Variants in ABCA9 observed in about 807,000 individuals in gnomAD.
The protein encoded by ABCA9 is ATP binding cassette subfamily A member 9, also known as ATP-binding cassette sub-family A member 9.
Under a neutral mutation model 205.3 loss-of-function variants are expected in ABCA9, and 183 were observed. The ratio of observed to expected loss-of-function variants is 0.89; its 90% CI spans 0.79 to 1.01. The LOEUF is 1.01. ABCA9 is among the 50% of genes least tolerant of loss of function. The probability of loss-of-function intolerance (pLI) is 0.00; values close to 1 mark genes in which losing one functional copy is unlikely to be tolerated. For synonymous variants in ABCA9, 651 were observed against 683.3 expected, an observed-to-expected ratio of 0.95 and a Z score of 0.74; for missense variants, 1,805 against 1,912.4, an observed-to-expected ratio of 0.94 and a Z score of 1.05.
chr17:68,989,199 C>T (rs111397165), intron 30 of ABCA9, 81 bp from the exon 31 acceptor site: 19,854 of 838,602 alleles, frequency 0.024, 296 homozygotes, highest in Middle Eastern at 0.045. Flanking sequence ...GGCTGTGTGT[C>T]AAGTGCTATG....
intron 22 of ABCA9, among the ~76,000 whole-genome samples, chr17:69,013,775 T>C (rs2070473877): frequency 6.6e-6 from 1 of 152,018 alleles, no homozygotes; most frequent in African/African-American, 2.4e-5. Flanking sequence ...CTCCGATAGA[T>C]GATAAAAATT....
chr17:68,984,138 C>T lies in ABCA9; in HGVS notation c.4417G>A (p.Gly1473Ser), dbSNP rs767562262. 4 of 1,614,046 alleles carry T rather than the reference C, an allele frequency of 2.5e-6. No homozygotes were observed. In the African/African-American group the frequency reaches 4.0e-5, roughly 16 times the overall value. The part of the protein sequence containing the change: ...IRATFRNTER[G>S]ALLTTHYMAE... Reference sequence around the variant, plus strand: ...ATGTAGTGGGTGGTCAGGAGGGCGCCCCTCTCCGTGTTTCTAAAGGTGGCC... The same window carrying T: ...ATGTAGTGGGTGGTCAGGAGGGCGCTCCTCTCCGTGTTTCTAAAGGTGGCC... Residue 1473 changes from glycine (G) to serine (S), a missense_variant, in exon 35 of 39, where the codon GGC (glycine) becomes AGC (serine). Coordinates refer to ENST00000340001, the MANE Select transcript of ABCA9 (RefSeq NM_080283.4).
chr17:69,027,200 A>G, intron 14 of ABCA9, 86 bp from the exon 15 acceptor site: 1 of 1,576,014 alleles, frequency 6.3e-7, no homozygotes, highest in Non-Finnish European at 8.6e-7. Flanking sequence ...AGTATTTGGG[A>G]GAAACTTGTT....
rs1262949213 is a variant in ABCA9, at chr17:69,028,630, A to G, written c.1520T>C (p.Ile507Thr). 6.3e-7 allele frequency: 1 copy of G among 1,598,884 alleles called. No individual in the cohort carries two copies. Among genetic ancestry groups the G allele is most frequent in the Middle Eastern group, 1.7e-4 (1 of 5,986 alleles). Reference sequence around the variant, plus strand: ...GAGGGCAGTGATCTGGCCTTCATATATGTCAAACACCACACCTGGCATGAT... The same window carrying G: ...GAGGGCAGTGATCTGGCCTTCATATGTGTCAAACACCACACCTGGCATGAT... ...VEALKGVVFD[I>T]YEGQITALLG... The change falls in exon 12 of 39, where the codon ATA becomes ACA. Residue 507 changes from isoleucine (I) to threonine (T), a missense_variant. Physicochemically the swap from Ile to Thr is moderately conservative, Grantham distance 89. Transcript: ENST00000340001.
chr17:69,043,528 G>A lies in ABCA9; in HGVS notation c.761C>T (p.Ser254Leu). The A allele has an allele frequency of 6.2e-7, 1 of 1,607,754 alleles. No individual in the cohort carries two copies. Among genetic ancestry groups the A allele is most frequent in the Non-Finnish European group, 8.5e-7 (1 of 1,177,066 alleles). Reference sequence around the variant, plus strand: ...TCGGAGTCCCATCATTGTCATCAATGACGTAATGTATTGTCTTTCTTGTGT... The same window carrying A: ...TCGGAGTCCCATCATTGTCATCAATAACGTAATGTATTGTCTTTCTTGTGT... The part of the protein sequence containing the change: ...NVTQERQYIT[S>L]LMTMMGLRES... Residue 254 changes from serine to leucine, a missense_variant, in exon 6 of 39, where the codon TCA (serine) becomes TTA (leucine). Coordinates refer to ENST00000340001, the MANE Select transcript of ABCA9 (RefSeq NM_080283.4).
chr17:69,032,530 G>A, intron 9 of ABCA9: 1 of 318,848 alleles, frequency 3.1e-6, no homozygotes. Flanking sequence ...TCAAAATGCA[G>A]AGAGATGTCT....
chr17:69,025,700 T>C lies in ABCA9; in HGVS notation c.2141+677A>G, dbSNP rs79066753. Among the ~76,000 whole-genome samples, 1,343 of 152,278 alleles carry C rather than the reference T, an allele frequency of 8.8e-3. 27 individuals carry two copies. The highest frequency in any genetic ancestry group is 0.031 in the African/African-American group (1,292 of 41,568). ...AATCATTTTTTAAAAAATATCTACA[T>C]TGCAATGCAAAATATAGGAAGCCAT... On this transcript the variant is annotated intron_variant, in intron 16 of 38. Transcript: ENST00000340001.
At chr17:69,032,592 T>C (rs895347337) in intron 9 of ABCA9, 26 of 187,944 alleles carry the variant, frequency 1.4e-4, no homozygotes, top group Non-Finnish European at 2.4e-4. Context: ...GCTGTACTTA[T>C]GTGTCCTTTT....
intron 37 of ABCA9, among the ~76,000 whole-genome samples, chr17:68,981,201 A>G (rs2069041154): frequency 6.6e-6 from 1 of 152,194 alleles, no homozygotes; most frequent in East Asian, 1.9e-4. Context: ...GGATAAATAA[A>G]TTCAGATTTA....
chr17:69,004,191 G>A (rs777502084), intron 25 of ABCA9, among the ~76,000 whole-genome samples: 5 of 152,148 alleles, frequency 3.3e-5, no homozygotes, highest in Admixed American at 6.5e-5. Context: ...GAGGAGAGGC[G>A]CTCTGATTTT....
intron 37 of ABCA9, among the ~76,000 whole-genome samples, chr17:68,981,126 G>A (rs754511039): frequency 6.6e-6 from 1 of 151,864 alleles, no homozygotes; most frequent in Non-Finnish European, 1.5e-5. Flanking sequence ...GGAAGGGAAG[G>A]CAACAATAGA....
At chr17:69,073,116 T>C in the ABCA9 span, among the ~76,000 whole-genome samples, 1 of 152,336 alleles carries the variant, frequency 6.6e-6, no homozygotes, top group East Asian at 1.9e-4. Flanking sequence ...CTTAGAGACC[T>C]ACAAAGAGAC....
intron 7 of ABCA9, 22 bp downstream of exon 7, chr17:69,035,638 T>A (rs2144392500): frequency 6.2e-7 from 1 of 1,610,952 alleles, no homozygotes; most frequent in African/African-American, 1.3e-5. Flanking sequence ...ATAAAAGACT[T>A]AGATGAAATT....
At chr17:69,070,975 G>A in the ABCA9 span, among the ~76,000 whole-genome samples, 1 of 152,194 alleles carries the variant, frequency 6.6e-6, no homozygotes, top group Non-Finnish European at 1.5e-5. Context: ...AAGCTGTCAG[G>A]AAGTTCAAAC....
upstream of ABCA9, among the ~76,000 whole-genome samples, chr17:69,064,433 AC>A (rs2072322477): frequency 6.6e-6 from 1 of 152,120 alleles, no homozygotes; most frequent in Non-Finnish European, 1.5e-5. Context: ...TATAGGATAC[AC>A]CCGTTAGCAT....
intron 16 of ABCA9, among the ~76,000 whole-genome samples, chr17:69,025,217 G>A (rs1302590124): frequency 6.6e-6 from 1 of 152,138 alleles, no homozygotes; most frequent in Non-Finnish European, 1.5e-5. Flanking sequence ...AGCTTGTCAA[G>A]TATTCATTCA....
chr17:69,069,738 T>A, the ABCA9 span, among the ~76,000 whole-genome samples: 97 of 152,166 alleles, frequency 6.4e-4, no homozygotes, highest in African/African-American at 2.2e-3. Context: ...GATCTTCCGT[T>A]TTCAGAATCA....
chr17:68,995,611 G>A (rs892597308), intron 26 of ABCA9, among the ~76,000 whole-genome samples: 2 of 152,076 alleles, frequency 1.3e-5, no homozygotes, highest in African/African-American at 4.8e-5. Flanking sequence ...CAAAAAAGGG[G>A]CATCTCTTTG....
the ABCA9 span, among the ~76,000 whole-genome samples, chr17:69,078,212 T>TG: frequency 6.7e-6 from 1 of 149,076 alleles, no homozygotes; most frequent in East Asian, 2.0e-4. Flanking sequence ...TTTTTGTTGT[T>TG]TTTTTTTTTT....
Sources: allele counts gnomAD v4.1 joint callset (sites outside exome capture counted in the v4.1 genomes callset), GRCh38; gene constraint gnomAD v4.1.1; transcripts MANE v1.5; gene names NCBI Gene and HGNC (gene_info 2026-07-23, HGNC 2026-07-21).